The following ZPBP variants were observed in gnomAD, a reference collection of about 807,000 sequenced individuals.
ZPBP encodes zona pellucida binding protein, also known as zona pellucida-binding protein 1.
ZPBP carries 26 observed loss-of-function variants against 44.8 expected under a neutral mutation model. The ratio of observed to expected loss-of-function variants is 0.58; its 90% CI spans 0.43 to 0.81. The LOEUF (loss-of-function observed/expected upper bound fraction) is 0.81. ZPBP is among the 30% of genes least tolerant of loss of function. ZPBP has a pLI of 0.00. For missense variants in ZPBP, 409 were observed against 434.0 expected, an observed-to-expected ratio of 0.94 and a Z score of 0.51; for synonymous variants, 174 against 153.2, an observed-to-expected ratio of 1.14 and a Z score of -1.00.
At chr7:50,091,562 G>A (rs1802994085) in intron 1 of ZPBP, among the ~76,000 whole-genome samples, 1 of 152,110 alleles carries the variant, frequency 6.6e-6, no homozygotes, top group South Asian at 2.1e-4. Context: ...AAAAACCCTT[G>A]TAGACATCGG....
Position 50,089,699 on chromosome 7 carries a change from C to T in ZPBP, c.138G>A (p.Leu46=). 6.2e-7 allele frequency: 1 copy of T among 1,609,836 alleles called. No individual in the cohort carries two copies. The highest frequency in any genetic ancestry group is 1.1e-5 in the South Asian group (1 of 90,574). The change falls in exon 2 of 8, where the codon TTG becomes TTA. Residue 46 remains leucine, a synonymous_variant. Coordinates refer to ENST00000046087, the MANE Select transcript of ZPBP (RefSeq NM_007009.3). Reference sequence around the variant, plus strand: ...AGCGAAAAGCTCTTGGTAATCGAACCAAGTGTCCAACTATCAAAAAAAAAG... The same window carrying T: ...AGCGAAAAGCTCTTGGTAATCGAACTAAGTGTCCAACTATCAAAAAAAAAG... ...LVRVPSSVGH[L]VRLPRAFRLT...
intron 4 of ZPBP, among the ~76,000 whole-genome samples, chr7:50,034,095 A>T (rs1333479585): frequency 6.6e-6 from 1 of 152,164 alleles, no homozygotes; most frequent in Non-Finnish European, 1.5e-5. Context: ...ATAGGTGACC[A>T]GAGAGAGAAA....
At chr7:50,057,300 T>C (rs1242995049) in intron 4 of ZPBP, among the ~76,000 whole-genome samples, 5 of 151,616 alleles carry the variant, frequency 3.3e-5, no homozygotes, top group Admixed American at 1.3e-4. Context: ...TGCAAAAAGA[T>C]GTATGAGAAC....
At chr7:49,953,223 T>C (rs1003170309) in intron 7 of ZPBP, among the ~76,000 whole-genome samples, 1 of 152,110 alleles carries the variant, frequency 6.6e-6, no homozygotes, top group African/African-American at 2.4e-5. Flanking sequence ...GTTAAGACTA[T>C]GTCCCAGAGA....
chr7:49,955,666 G>A (rs1795560673), intron 7 of ZPBP, among the ~76,000 whole-genome samples: 1 of 152,042 alleles, frequency 6.6e-6, no homozygotes, highest in Non-Finnish European at 1.5e-5. Context: ...AATCAGATAA[G>A]AGAAAATTAA....
chr7:49,911,279 C>T (rs1176726182), intron 1 of ZPBP, among the ~76,000 whole-genome samples: 5 of 151,932 alleles, frequency 3.3e-5, no homozygotes, highest in Admixed American at 2.6e-4. Flanking sequence ...GTCAAGAGAT[C>T]GAGACCATCC....
At chr7:50,026,942 T>C (rs1325046454) in intron 5 of ZPBP, among the ~76,000 whole-genome samples, 1 of 152,000 alleles carries the variant, frequency 6.6e-6, no homozygotes, top group African/African-American at 2.4e-5. Context: ...ACACAAATTC[T>C]TTGTGTTTTA....
downstream of ZPBP, among the ~76,000 whole-genome samples, chr7:49,849,443 T>C (rs1420641839): frequency 2.0e-5 from 3 of 152,230 alleles, no homozygotes; most frequent in Non-Finnish European, 4.4e-5. Context: ...GGGAGCAGAC[T>C]GTCAGGAAGG....
At chr7:49,876,986 A>T (rs1324792603) in intron 2 of ZPBP, among the ~76,000 whole-genome samples, 1 of 152,068 alleles carries the variant, frequency 6.6e-6, no homozygotes, top group Admixed American at 6.6e-5. Flanking sequence ...ATTCAGCCAC[A>T]TTTATTCCTT....
intron 6 of ZPBP, among the ~76,000 whole-genome samples, chr7:49,989,956 T>A (rs1797485292): frequency 6.6e-6 from 1 of 152,168 alleles, no homozygotes; most frequent in Non-Finnish European, 1.5e-5. Context: ...TCACAGGATA[T>A]CCTTTTCTCT....
At chr7:49,996,617 ACCAATT>A (rs1191955195) in intron 6 of ZPBP, among the ~76,000 whole-genome samples, 1 of 152,204 alleles carries the variant, frequency 6.6e-6, no homozygotes, top group Non-Finnish European at 1.5e-5. Flanking sequence ...GGATCCAGTC[ACCAATT>A]CAAGGTGGTC....
At chr7:50,039,513 G>T (rs1799971828) in intron 4 of ZPBP, among the ~76,000 whole-genome samples, 1 of 152,104 alleles carries the variant, frequency 6.6e-6, no homozygotes, top group African/African-American at 2.4e-5. Flanking sequence ...CCCTTTTACT[G>T]ATTTAAAAGC....
At chr7:49,901,567 T>C (rs1792727693) in intron 1 of ZPBP, among the ~76,000 whole-genome samples, 1 of 151,636 alleles carries the variant, frequency 6.6e-6, no homozygotes, top group Non-Finnish European at 1.5e-5. Flanking sequence ...AATATATAAA[T>C]AGAGAGATGT....
intron 1 of ZPBP, among the ~76,000 whole-genome samples, chr7:49,928,889 G>C (rs546609065): frequency 6.6e-6 from 1 of 152,194 alleles, no homozygotes. Flanking sequence ...AAGGAGAATA[G>C]TTATCTACAA....
intron 4 of ZPBP, among the ~76,000 whole-genome samples, chr7:50,056,737 A>C (rs1800953949): frequency 6.6e-6 from 1 of 152,132 alleles, no homozygotes; most frequent in African/African-American, 2.4e-5. Context: ...TTCTAGCCTC[A>C]TGCATTTCGA....
chr7:50,001,784 A>G (rs1798107569), intron 6 of ZPBP, among the ~76,000 whole-genome samples: 2 of 152,320 alleles, frequency 1.3e-5, no homozygotes, highest in African/African-American at 4.8e-5. Flanking sequence ...AAAGATGGAA[A>G]TTAGAATCTG....
intron 7 of ZPBP, among the ~76,000 whole-genome samples, chr7:49,961,706 A>G (rs758142203): frequency 4.6e-5 from 7 of 152,124 alleles, no homozygotes; most frequent in Non-Finnish European, 7.4e-5. Flanking sequence ...CGTGATCCCA[A>G]TAAGTGTTAA....
chr7:50,026,324 A>T (rs1022421370), intron 5 of ZPBP, among the ~76,000 whole-genome samples: 3 of 151,936 alleles, frequency 2.0e-5, no homozygotes, highest in Admixed American at 2.0e-4. Flanking sequence ...CTGAAGGGAA[A>T]AGCAGATAAT....
At chr7:49,915,741 G>T (rs1028577980) in intron 1 of ZPBP, 1 of 152,094 alleles carries the variant, frequency 6.6e-6, no homozygotes, top group South Asian at 2.1e-4. Context: ...TGCTAAATTT[G>T]CTTCAATGGG....
Sources: gnomAD v4.1 joint callset for allele counts (sites outside exome capture counted in the v4.1 genomes callset) on GRCh38, gnomAD v4.1.1 for gene constraint, MANE v1.5 for transcripts, NCBI Gene and HGNC (gene_info 2026-07-23, HGNC 2026-07-21) for gene names.